The following SAMD3 variants were observed in gnomAD, a reference collection of about 807,000 sequenced individuals.
The protein encoded by SAMD3 is sterile alpha motif domain containing 3.
Under a neutral mutation model 58.5 loss-of-function variants are expected in SAMD3, and 63 were observed. The ratio of observed to expected loss-of-function variants is 1.08; its 90% CI spans 0.88 to 1.33. The LOEUF (loss-of-function observed/expected upper bound fraction) is 1.33, where lower values mean the gene tolerates loss of function less well. Among genes scored for constraint, SAMD3 ranks in the 40% most tolerant of loss-of-function variants. The pLI is 0.00. For synonymous variants in SAMD3, 220 were observed against 210.3 expected (o/e 1.05, Z -0.40); for missense variants, 604 against 608.4 (o/e 0.99, Z 0.08).
At chr6:130,155,710 G>C (rs1789714085) in intron 8 of SAMD3, among the ~76,000 whole-genome samples, 1 of 152,110 alleles carries the variant, frequency 6.6e-6, no homozygotes, top group African/African-American at 2.4e-5. Flanking sequence ...TAGCTGACCA[G>C]AATGTGAACA....
chr6:130,251,251 CT>C (rs1773728774), intron 2 of SAMD3, among the ~76,000 whole-genome samples: 1 of 152,156 alleles, frequency 6.6e-6, no homozygotes, highest in Non-Finnish European at 1.5e-5. Flanking sequence ...TGTTTAAACT[CT>C]TTGCCCTTTT....
intron 1 of SAMD3, among the ~76,000 whole-genome samples, chr6:130,319,463 T>C (rs970133846): frequency 2.0e-5 from 3 of 151,038 alleles, no homozygotes; most frequent in African/African-American, 7.3e-5. Context: ...ATGAAAACAA[T>C]GCAAACTAGA....
At chr6:130,162,175 G>A in intron 8 of SAMD3, 1 of 681,840 alleles carries the variant, frequency 1.5e-6, no homozygotes. Flanking sequence ...GCAACATAGA[G>A]TGTGGTCTCT....
At chr6:130,364,155 C>T (rs1302228611) in intron 1 of SAMD3, among the ~76,000 whole-genome samples, 1 of 152,076 alleles carries the variant, frequency 6.6e-6, no homozygotes, top group Non-Finnish European at 1.5e-5. Flanking sequence ...GGTGATTTTA[C>T]TTAGTCTATC....
chr6:130,360,290 A>G (rs564990562), intron 1 of SAMD3, among the ~76,000 whole-genome samples: 1 of 152,216 alleles, frequency 6.6e-6, no homozygotes, highest in African/African-American at 2.4e-5. Flanking sequence ...GAAATGTGTG[A>G]AAGTATCGGG....
intron 7 of SAMD3, among the ~76,000 whole-genome samples, chr6:130,176,385 A>G (rs1791730717): frequency 6.6e-6 from 1 of 152,248 alleles, no homozygotes; most frequent in Admixed American, 6.5e-5. Flanking sequence ...TCTAGAAAAG[A>G]CCTGATAGTG....
chr6:130,344,728 C>A (rs756182077), intron 1 of SAMD3, among the ~76,000 whole-genome samples: 1 of 149,244 alleles, frequency 6.7e-6, no homozygotes, highest in African/African-American at 2.5e-5. Context: ...GCTGCAGATG[C>A]CACTCACCCC....
intron 2 of SAMD3, among the ~76,000 whole-genome samples, chr6:130,256,024 TC>T (rs1773917513): frequency 6.6e-6 from 1 of 151,734 alleles, no homozygotes; most frequent in Admixed American, 6.6e-5. Context: ...GTTGCTGTCT[TC>T]CTTTGTGGTT....
rs549510665 is a variant in SAMD3 at position 130,348,233 on chromosome 6, AC to A, written c.-304+16886del. Among the ~76,000 whole-genome samples the A allele has an allele frequency of 2.7e-3, 404 of 152,314 alleles. 4 individuals are homozygous for A. The highest frequency in any genetic ancestry group is 9.3e-3 in the African/African-American group (388 of 41,566). On this transcript the variant is annotated intron_variant, in intron 1 of 13. Coordinates refer to the SAMD3 transcript ENST00000368134. The stretch of plus-strand genomic sequence containing the variant: ...ATCAAATTCACACATAACAATATTA[AC>A]CTTAAATGTAAATGGATTAAATGCT...
At chr6:130,183,517 C>T (rs1158728916) in intron 7 of SAMD3, 4 of 405,112 alleles carry the variant, frequency 9.9e-6, no homozygotes. Flanking sequence ...GATGACAGCT[C>T]CGAAGCAGGT....
intron 2 of SAMD3, among the ~76,000 whole-genome samples, chr6:130,312,371 C>G (rs1475734121): frequency 6.6e-6 from 1 of 152,166 alleles, no homozygotes; most frequent in Admixed American, 6.5e-5. Flanking sequence ...TGCATTGATT[C>G]CTGAATCATG....
At chr6:130,172,014 G>C (rs1791296849) in intron 8 of SAMD3, among the ~76,000 whole-genome samples, 1 of 152,100 alleles carries the variant, frequency 6.6e-6, no homozygotes, top group African/African-American at 2.4e-5. Flanking sequence ...TGTTTTATCA[G>C]AGACTAGGAT....
chr6:130,252,794 C>A (rs756108396), intron 2 of SAMD3, among the ~76,000 whole-genome samples: 1 of 152,182 alleles, frequency 6.6e-6, no homozygotes, highest in South Asian at 2.1e-4. Context: ...CAGGAGCAAG[C>A]TTCAGAGATG....
intron 2 of SAMD3, among the ~76,000 whole-genome samples, chr6:130,300,407 G>T (rs1173884838): frequency 6.6e-6 from 1 of 152,058 alleles, no homozygotes; most frequent in Non-Finnish European, 1.5e-5. Flanking sequence ...AAAATCCAAT[G>T]TCTCTTCATG....
chr6:130,221,082 C>T (rs1030599100), intron 1 of SAMD3, among the ~76,000 whole-genome samples: 1 of 152,004 alleles, frequency 6.6e-6, no homozygotes, highest in Non-Finnish European at 1.5e-5. Context: ...TCTCGATCTC[C>T]TGACCTTGTG....
intron 1 of SAMD3, among the ~76,000 whole-genome samples, chr6:130,323,802 CAAAAA>C (rs766078214): frequency 1.1e-4 from 6 of 53,546 alleles, no homozygotes; most frequent in South Asian, 8.7e-4. Flanking sequence ...GACTCTGTCT[CAAAAA>C]AAAAAAAAAA....
At chr6:130,279,066 A>T (rs903533577) in intron 2 of SAMD3, among the ~76,000 whole-genome samples, 11 of 152,192 alleles carry the variant, frequency 7.2e-5, no homozygotes, top group African/African-American at 2.7e-4. Context: ...TTGGCAAGTT[A>T]TTTCACCATC....
intron 9 of SAMD3, among the ~76,000 whole-genome samples, chr6:130,149,337 A>C (rs1788922691): frequency 6.6e-6 from 1 of 152,216 alleles, no homozygotes; most frequent in Non-Finnish European, 1.5e-5. Flanking sequence ...AAGAACTTAA[A>C]ACAGAGCTAC....
At chr6:130,255,148 G>A (rs1206520005) in intron 2 of SAMD3, among the ~76,000 whole-genome samples, 1 of 152,134 alleles carries the variant, frequency 6.6e-6, no homozygotes, top group Non-Finnish European at 1.5e-5. Flanking sequence ...ATACCATTGT[G>A]ATCAGAAAAT....
Sources: gnomAD v4.1 joint callset for allele counts (sites outside exome capture counted in the v4.1 genomes callset) on GRCh38, gnomAD v4.1.1 for gene constraint, MANE v1.5 for transcripts, NCBI Gene and HGNC (gene_info 2026-07-23, HGNC 2026-07-21) for gene names.